Variants in MTHFD1L observed in about 807,000 individuals in gnomAD.
MTHFD1L encodes monofunctional C1-tetrahydrofolate synthase, mitochondrial.
Under a neutral mutation model 119.5 loss-of-function variants are expected in MTHFD1L, and 81 were observed. The observed-to-expected ratio is 0.68, with a 90% CI of 0.57 to 0.82. MTHFD1L has a LOEUF of 0.82. Among genes scored for constraint, MTHFD1L ranks in the 40% least tolerant of loss-of-function variants. MTHFD1L has a pLI of 0.00. For synonymous variants in MTHFD1L, 430 were observed against 475.2 expected (o/e 0.90, Z 1.24); for missense variants, 1,125 against 1,253.4 (o/e 0.90, Z 1.55).
At chr6:150,935,365 T>A in intron 11 of MTHFD1L, 1 of 1,613,886 alleles carries the variant, frequency 6.2e-7, no homozygotes. Flanking sequence ...TTATAGTTGC[T>A]AACAAACAAG....
chr6:150,935,826 G>A (rs1352482778), intron 11 of MTHFD1L, among the ~76,000 whole-genome samples: 2 of 152,122 alleles, frequency 1.3e-5, no homozygotes, highest in African/African-American at 4.8e-5. Context: ...ATAGTAAATT[G>A]ATCAGAACAC....
At chr6:151,063,427 A>G (rs1470744345) in intron 26 of MTHFD1L, among the ~76,000 whole-genome samples, 1 of 152,276 alleles carries the variant, frequency 6.6e-6, no homozygotes, top group East Asian at 1.9e-4. Flanking sequence ...TTGTCATCTA[A>G]ATGGTCTTTG....
chr6:150,905,351 T>C (rs535235590), intron 7 of MTHFD1L, among the ~76,000 whole-genome samples: 110 of 152,208 alleles, frequency 7.2e-4, no homozygotes, highest in African/African-American at 2.5e-3. Context: ...TTTTTCTTGA[T>C]ATTATAGTTA....
chr6:151,025,632 G>A (rs1181667887), intron 24 of MTHFD1L, among the ~76,000 whole-genome samples: 1 of 152,146 alleles, frequency 6.6e-6, no homozygotes, highest in Non-Finnish European at 1.5e-5. Context: ...TACGGGACTT[G>A]GAATACACTT....
At chr6:150,896,550 A>G (rs1784255361) in intron 7 of MTHFD1L, among the ~76,000 whole-genome samples, 1 of 152,202 alleles carries the variant, frequency 6.6e-6, no homozygotes, top group Non-Finnish European at 1.5e-5. Context: ...TCAGTAGCCC[A>G]GGTCATCAGT....
chr6:150,877,906 G>A lies in MTHFD1L; in HGVS notation c.417+80G>A. 22 of 1,525,328 alleles carry A rather than the reference G, an allele frequency of 1.4e-5. No individual in the cohort carries two copies. In the South Asian group the frequency reaches 2.5e-4, roughly 17 times the overall value. 94.5% of individuals were successfully genotyped at this position (1,525,328 alleles called of 1,614,324 possible). On this transcript the variant is annotated intron_variant, in intron 4 of 27. Transcript: ENST00000367321. ...AGGCCCATTGGCGTCTCTTAGTGGT[G>A]GCTGGGACAGATCTAAGATTTGCTT...
intron 1 of MTHFD1L, among the ~76,000 whole-genome samples, chr6:150,871,578 T>G (rs990070935): frequency 1.3e-4 from 19 of 147,182 alleles, no homozygotes; most frequent in Admixed American, 1.0e-3. Context: ...CTCGGCTCGC[T>G]GGAACCTCCG....
At chr6:151,075,162 A>T (rs1476271061) in intron 26 of MTHFD1L, among the ~76,000 whole-genome samples, 1 of 152,222 alleles carries the variant, frequency 6.6e-6, no homozygotes, top group East Asian at 1.9e-4. Context: ...TATATCGATA[A>T]TCACACTAGA....
At chr6:150,967,706 A>G (rs1489511405) in intron 19 of MTHFD1L, among the ~76,000 whole-genome samples, 1 of 152,056 alleles carries the variant, frequency 6.6e-6, no homozygotes, top group African/African-American at 2.4e-5. Context: ...GTCCTTGGTT[A>G]CATGACTCTG....
intron 20 of MTHFD1L, among the ~76,000 whole-genome samples, chr6:151,002,718 G>C (rs1780788371): frequency 6.6e-6 from 1 of 152,172 alleles, no homozygotes; most frequent in African/African-American, 2.4e-5. Context: ...CAGTGCACAG[G>C]GTTACAACGA....
chr6:150,918,206 C>T (rs1006626022), intron 8 of MTHFD1L, among the ~76,000 whole-genome samples: 11 of 151,874 alleles, frequency 7.2e-5, no homozygotes, highest in Non-Finnish European at 8.8e-5. Context: ...GCTGGGACTA[C>T]GGGTACACGC....
intron 20 of MTHFD1L, among the ~76,000 whole-genome samples, chr6:151,002,900 G>A (rs572370892): frequency 1.3e-5 from 2 of 152,282 alleles, no homozygotes; most frequent in South Asian, 4.2e-4. Context: ...GTTGGCGGGG[G>A]GAGGGTCCCA....
At chr6:151,054,390 A>C (rs1483963938) in intron 26 of MTHFD1L, among the ~76,000 whole-genome samples, 1 of 152,102 alleles carries the variant, frequency 6.6e-6, no homozygotes, top group Non-Finnish European at 1.5e-5. Flanking sequence ...GCATTGAAAA[A>C]ACACGCGTCC....
chr6:150,960,916 G>C (rs538505123), intron 18 of MTHFD1L, among the ~76,000 whole-genome samples: 215 of 152,104 alleles, frequency 1.4e-3, no homozygotes, highest in Middle Eastern at 3.4e-3. Context: ...TATTATAAAA[G>C]CAAATCTCTG....
At chr6:150,913,440 C>T (rs1332212537) in intron 8 of MTHFD1L, among the ~76,000 whole-genome samples, 1 of 151,952 alleles carries the variant, frequency 6.6e-6, no homozygotes, top group Non-Finnish European at 1.5e-5. Flanking sequence ...GCTGGGATTA[C>T]AGGCGTGAGC....
intron 15 of MTHFD1L, among the ~76,000 whole-genome samples, chr6:150,945,912 C>T (rs1793857781): frequency 6.6e-6 from 1 of 152,082 alleles, no homozygotes; most frequent in African/African-American, 2.4e-5. Flanking sequence ...GAGAGGTTTG[C>T]TTGAGCCAAG....
intron 1 of MTHFD1L, chr6:150,866,251 A>G: frequency 7.0e-7 from 1 of 1,426,196 alleles, no homozygotes; most frequent in Non-Finnish European, 9.2e-7. Context: ...CGGGGGATCC[A>G]GTACCCGACC....
chr6:150,985,430 C>T (rs942228546), intron 20 of MTHFD1L, among the ~76,000 whole-genome samples: 1 of 151,970 alleles, frequency 6.6e-6, no homozygotes, highest in African/African-American at 2.4e-5. Context: ...AATCCCAGCA[C>T]TTTGGGAGGC....
chr6:150,992,812 A>G (rs777468941), intron 20 of MTHFD1L, among the ~76,000 whole-genome samples: 13 of 152,104 alleles, frequency 8.5e-5, no homozygotes, highest in Non-Finnish European at 1.8e-4. Flanking sequence ...GACTGGGTGA[A>G]CCACCTGACT....
Sources: gnomAD v4.1 joint callset for allele counts (sites outside exome capture counted in the v4.1 genomes callset) on GRCh38, gnomAD v4.1.1 for gene constraint, MANE v1.5 for transcripts, NCBI Gene and HGNC (gene_info 2026-07-23, HGNC 2026-07-21) for gene names.